SPIRE1: variants seen among roughly 807,000 people sequenced by gnomAD.
The protein encoded by SPIRE1 is protein spire homolog 1.
In SPIRE1, 40 loss-of-function variants were observed where a neutral mutation model predicts 94.1. That is an observed-to-expected ratio of 0.43 (90% CI 0.33 to 0.55). SPIRE1 has a LOEUF of 0.55. SPIRE1 is among the 20% of genes least tolerant of loss of function. The probability of loss-of-function intolerance (pLI) is 0.06; values close to 1 mark genes in which losing one functional copy is unlikely to be tolerated. For missense variants in SPIRE1, 838 were observed against 975.2 expected (o/e 0.86, Z 1.87); for synonymous variants, 376 against 371.7 (o/e 1.01, Z -0.13).
At chr18:12,491,217 C>T (rs1236841494) in intron 8 of SPIRE1, among the ~76,000 whole-genome samples, 1 of 138,540 alleles carries the variant, frequency 7.2e-6, no homozygotes, top group East Asian at 2.1e-4. Context: ...CATGTGAATA[C>T]TACCCAAAGC....
chr18:12,581,425 C>T (rs2036253352), intron 2 of SPIRE1, among the ~76,000 whole-genome samples: 1 of 151,212 alleles, frequency 6.6e-6, no homozygotes, highest in African/African-American at 2.4e-5. Context: ...AACCAAGGCA[C>T]TAAAAGGTTA....
intron 4 of SPIRE1, among the ~76,000 whole-genome samples, chr18:12,513,103 T>G (rs1405487674): frequency 6.6e-6 from 1 of 152,152 alleles, no homozygotes; most frequent in African/African-American, 2.4e-5. Context: ...GTGCCTTCCC[T>G]CTAGACTTCA....
At chr18:12,518,708 A>AAAAAC (rs2034272197) in intron 4 of SPIRE1, among the ~76,000 whole-genome samples, 1 of 151,984 alleles carries the variant, frequency 6.6e-6, no homozygotes, top group Non-Finnish European at 1.5e-5. Flanking sequence ...AAACAAAAAC[A>AAAAAC]AAAACAAAAC....
intron 1 of SPIRE1, among the ~76,000 whole-genome samples, chr18:12,647,371 T>A (rs1266132911): frequency 6.6e-6 from 1 of 152,222 alleles, no homozygotes; most frequent in Non-Finnish European, 1.5e-5. Flanking sequence ...GCATTATTCA[T>A]ACTATCCAGT....
chr18:12,638,752 T>C (rs115244170), intron 1 of SPIRE1, among the ~76,000 whole-genome samples: 132 of 152,226 alleles, frequency 8.7e-4, no homozygotes, highest in African/African-American at 3.1e-3. Context: ...CCTAGTGCTG[T>C]CCTGTGATAG....
chr18:12,628,067 A>G (rs1482026359), intron 2 of SPIRE1, among the ~76,000 whole-genome samples: 1 of 152,012 alleles, frequency 6.6e-6, no homozygotes, highest in Non-Finnish European at 1.5e-5. Flanking sequence ...ATTAGATCCC[A>G]TTTGTCTATT....
At chr18:12,584,866 G>T (rs566904354) in intron 2 of SPIRE1, among the ~76,000 whole-genome samples, 1 of 152,046 alleles carries the variant, frequency 6.6e-6, no homozygotes, top group Non-Finnish European at 1.5e-5. Context: ...TGCAACCTCC[G>T]CCTCCTGGGT....
At chr18:12,529,445 G>C (rs1381452603) in intron 4 of SPIRE1, among the ~76,000 whole-genome samples, 4 of 151,960 alleles carry the variant, frequency 2.6e-5, no homozygotes, top group African/African-American at 7.3e-5. Context: ...CCTTTCAGCT[G>C]AGGTATGAAG....
intron 7 of SPIRE1, among the ~76,000 whole-genome samples, chr18:12,493,425 C>T (rs1466523984): frequency 1.3e-5 from 2 of 152,102 alleles, no homozygotes; most frequent in Middle Eastern, 3.2e-3. Context: ...TTATTGCTTA[C>T]AGGAGGGGTC....
intron 4 of SPIRE1, among the ~76,000 whole-genome samples, chr18:12,518,500 A>AC (rs1415752652): frequency 5.6e-5 from 8 of 141,638 alleles, no homozygotes; most frequent in Admixed American, 5.6e-4. Flanking sequence ...TCACACACAC[A>AC]AAAAAAAAAA....
intron 2 of SPIRE1, among the ~76,000 whole-genome samples, chr18:12,618,035 A>G (rs2037360692): frequency 6.6e-6 from 1 of 152,192 alleles, no homozygotes; most frequent in Non-Finnish European, 1.5e-5. Flanking sequence ...CATTTTCCTA[A>G]GAGCTCCTAT....
Position 12,657,872 on chromosome 18 carries a change from G to A in SPIRE1, c.-6C>T, listed in dbSNP as rs1240437802. The A allele has an allele frequency of 9.4e-6, 10 of 1,063,504 alleles. No homozygotes were observed. The highest frequency in any genetic ancestry group is 5.4e-5 in the Admixed American group (1 of 18,506). The allele number at this position is 1,063,504 out of a possible 1,614,324, so 65.9% of individuals were successfully genotyped here. On this transcript the variant is annotated 5_prime_UTR_variant, in exon 1 of 17. Transcript: ENST00000409402. ...GGGCCAGCCGCCTGAGCCATCCCGC[G>A]GGTGGGCGCTGCGCTCGGCAGTCGC...
At chr18:12,511,353 A>C (rs1387377441) in intron 5 of SPIRE1, among the ~76,000 whole-genome samples, 1 of 152,156 alleles carries the variant, frequency 6.6e-6, no homozygotes, top group Non-Finnish European at 1.5e-5. Context: ...TTAGATTCTC[A>C]AAGGAGCACA....
At chr18:12,527,768 T>C (rs1364364095) in intron 4 of SPIRE1, among the ~76,000 whole-genome samples, 2 of 152,012 alleles carry the variant, frequency 1.3e-5, no homozygotes, top group African/African-American at 4.8e-5. Context: ...CTGTTTCTTC[T>C]TGAATAAAAA....
chr18:12,509,096 G>A (rs17615525), intron 5 of SPIRE1, among the ~76,000 whole-genome samples: 15,415 of 152,240 alleles, frequency 0.1, 1,125 homozygotes, highest in Middle Eastern at 0.21. Context: ...GTCATCATAT[G>A]CATTCCTGGA....
At chr18:12,471,387 T>C (rs2032353661) in intron 10 of SPIRE1, among the ~76,000 whole-genome samples, 1 of 150,038 alleles carries the variant, frequency 6.7e-6, no homozygotes, top group Non-Finnish European at 1.5e-5. Flanking sequence ...TTTCTTTCTT[T>C]TTTTTTTTTT....
chr18:12,637,991 T>C (rs976823599), intron 1 of SPIRE1, among the ~76,000 whole-genome samples: 5 of 152,332 alleles, frequency 3.3e-5, no homozygotes, highest in Admixed American at 2.6e-4. Flanking sequence ...CTCACGGTAA[T>C]ATGAAAAGGC....
At chr18:12,652,782 A>G (rs1054873389) in intron 1 of SPIRE1, among the ~76,000 whole-genome samples, 5 of 152,196 alleles carry the variant, frequency 3.3e-5, no homozygotes, top group Admixed American at 6.5e-5. Flanking sequence ...ATTCAAACTG[A>G]ATCTAACCAT....
At chr18:12,658,142 TCCAGCGCCGC>T (rs1332586366), upstream of SPIRE1, 15 of 874,156 alleles carry the variant, frequency 1.7e-5, no homozygotes, top group African/African-American at 2.1e-5. Context: ...CCTCGCGCCG[TCCAGCGCCGC>T]CCAGCGCCCG....
Sources: allele counts gnomAD v4.1 joint callset (sites outside exome capture counted in the v4.1 genomes callset), GRCh38; gene constraint gnomAD v4.1.1; transcripts MANE v1.5; gene names NCBI Gene and HGNC (gene_info 2026-07-23, HGNC 2026-07-21).